Variants in NUP210L observed in about 807,000 individuals in gnomAD.
NUP210L encodes the protein nuclear pore membrane glycoprotein 210-like.
NUP210L carries 74 observed loss-of-function variants against 208.5 expected under a neutral mutation model. That is an observed-to-expected ratio of 0.35 (90% CI 0.29 to 0.43). The LOEUF is 0.43. Among genes scored for constraint, NUP210L ranks in the 20% least tolerant of loss-of-function variants. The pLI, the probability that NUP210L is intolerant of heterozygous loss-of-function variation, is 1.00. For synonymous variants in NUP210L, 780 were observed against 816.9 expected (o/e 0.95, Z 0.77); for missense variants, 1,843 against 2,289.4 (o/e 0.81, Z 3.98).
At chr1:154,081,931 A>T (rs1655353209) in intron 16 of NUP210L, among the ~76,000 whole-genome samples, 1 of 152,144 alleles carries the variant, frequency 6.6e-6, no homozygotes, top group African/African-American at 2.4e-5. Flanking sequence ...GCAGCAAGCC[A>T]TAATCACGCC....
exon 25 of NUP210L, chr1:154,054,402 C>A: frequency 6.2e-7 from 1 of 1,614,058 alleles, no homozygotes; most frequent in South Asian, 1.1e-5. Flanking sequence ...CACCTTCAGA[C>A]ATTACCTGGA....
chr1:154,011,762 C>T (rs1376554608), intron 34 of NUP210L, among the ~76,000 whole-genome samples: 1 of 139,362 alleles, frequency 7.2e-6, no homozygotes, highest in Non-Finnish European at 1.5e-5. Flanking sequence ...GATCTCGGCT[C>T]ACTCTAACCC....
At chr1:154,061,244 G>A (rs1641496207) in intron 18 of NUP210L, among the ~76,000 whole-genome samples, 198 bp from the exon 19 acceptor site, 1 of 152,056 alleles carries the variant, frequency 6.6e-6, no homozygotes, top group Non-Finnish European at 1.5e-5. Flanking sequence ...CAGGCATGGT[G>A]GTGGGTGTCT....
chr1:154,153,282 C>T (rs1328899851), intron 1 of NUP210L, among the ~76,000 whole-genome samples: 7 of 152,108 alleles, frequency 4.6e-5, no homozygotes, highest in Non-Finnish European at 1.5e-5. Context: ...ACTCAAAATA[C>T]CAAAAACATT....
In NUP210L at chr1:154,139,970, A is replaced by G; in HGVS notation, c.567-18T>C. ...TAAGAATCCTAAAGACATAAAATAA[A>G]ATGTGTTTCTAGCAGAATTAAACGA... On this transcript the variant is annotated intron_variant, in intron 4 of 39. Coordinates refer to ENST00000368559, the Ensembl canonical transcript of NUP210L. The G allele has an allele frequency of 6.3e-7, 1 of 1,591,106 alleles. No homozygotes were observed. The highest frequency in any genetic ancestry group is 8.6e-7 in the Non-Finnish European group (1 of 1,165,050).
intron 27 of NUP210L, among the ~76,000 whole-genome samples, chr1:154,036,673 C>A (rs1306300826): frequency 6.6e-6 from 1 of 151,222 alleles, no homozygotes; most frequent in Non-Finnish European, 1.5e-5. Context: ...CCAGAACATA[C>A]ATATTTTTAA....
At chr1:154,142,492 G>T (rs1658901692) in intron 3 of NUP210L, among the ~76,000 whole-genome samples, 1 of 152,122 alleles carries the variant, frequency 6.6e-6, no homozygotes, top group South Asian at 2.1e-4. Context: ...CTGGTCTATA[G>T]AAAGTGGATT....
chr1:154,109,425 A>G (rs942232797), intron 12 of NUP210L, among the ~76,000 whole-genome samples: 9 of 151,654 alleles, frequency 5.9e-5, no homozygotes, highest in Non-Finnish European at 1.2e-4. Context: ...AGAGCTATAG[A>G]CCTCACTACA....
exon 5 of NUP210L, chr1:154,139,912 A>G (rs779299482): frequency 1.3e-5 from 21 of 1,610,910 alleles, no homozygotes; most frequent in Non-Finnish European, 1.1e-5. Context: ...TCAGCTATAT[A>G]TATTGGGGGA....
At chr1:154,152,794 G>A in exon 2 of NUP210L, 1 of 1,613,890 alleles carries the variant, frequency 6.2e-7, no homozygotes, top group South Asian at 1.1e-5. Flanking sequence ...ATTCAGCAAT[G>A]AGTACAGCTT....
chr1:154,113,641 C>CTTG, intron 12 of NUP210L, among the ~76,000 whole-genome samples: 1 of 151,268 alleles, frequency 6.6e-6, no homozygotes, highest in Non-Finnish European at 1.5e-5. Flanking sequence ...GGGCAGATCA[C>CTTG]AAGGTCAGGA....
chr1:154,106,117 C>T (rs1450892368), intron 12 of NUP210L, among the ~76,000 whole-genome samples: 1 of 151,834 alleles, frequency 6.6e-6, no homozygotes, highest in Non-Finnish European at 1.5e-5. Flanking sequence ...AAAAATTACC[C>T]GGGCGTGGTG....
chr1:154,130,427 C>G (rs1159173265), intron 7 of NUP210L, among the ~76,000 whole-genome samples: 4 of 152,064 alleles, frequency 2.6e-5, no homozygotes, highest in Admixed American at 6.5e-5. Flanking sequence ...CGCGCACCAC[C>G]TCGCCCAGCT....
chr1:154,013,599 C>CA (rs1005116372), intron 33 of NUP210L, among the ~76,000 whole-genome samples: 3 of 151,698 alleles, frequency 2.0e-5, no homozygotes, highest in Non-Finnish European at 4.4e-5. Flanking sequence ...AACAAACAAA[C>CA]AAAAACAAAA....
At chr1:153,995,465 C>T (rs376433721) in intron 37 of NUP210L, among the ~76,000 whole-genome samples, 31 of 152,142 alleles carry the variant, frequency 2.0e-4, no homozygotes, top group Non-Finnish European at 4.0e-4. Context: ...TTGGCTCAAC[C>T]GCGTCTTTTT....
At chr1:154,083,622 T>C (rs571438062) in intron 16 of NUP210L, among the ~76,000 whole-genome samples, 1 of 152,270 alleles carries the variant, frequency 6.6e-6, no homozygotes, top group East Asian at 1.9e-4. Context: ...TGGTGTCTGC[T>C]GCTTGATGTG....
chr1:154,110,893 A>G (rs932589441), intron 12 of NUP210L, among the ~76,000 whole-genome samples: 1 of 151,566 alleles, frequency 6.6e-6, no homozygotes, highest in Admixed American at 6.6e-5. Context: ...AAAGAAAAAC[A>G]AAACTGCAAA....
intron 33 of NUP210L, 39 bp from the exon 34 acceptor site, chr1:154,012,409 T>C (rs1406217337): frequency 6.3e-7 from 1 of 1,599,294 alleles, no homozygotes; most frequent in Non-Finnish European, 8.5e-7. Flanking sequence ...CCTAAGTTCC[T>C]AGAGAATCTG....
intron 32 of NUP210L, among the ~76,000 whole-genome samples, 166 bp from the exon 33 acceptor site, chr1:154,019,235 G>A (rs12758402): frequency 0.041 from 6,248 of 152,184 alleles, 208 homozygotes; most frequent in Non-Finnish European, 0.056. Flanking sequence ...GTTCCTCTTC[G>A]TATATCATGC....
Sources: gnomAD v4.1 joint callset for allele counts (sites outside exome capture counted in the v4.1 genomes callset) on GRCh38, gnomAD v4.1.1 for gene constraint, MANE v1.5 for transcripts, NCBI Gene and HGNC (gene_info 2026-07-23, HGNC 2026-07-21) for gene names.